Variants in NDUFA10 observed in about 807,000 individuals in gnomAD.
The protein encoded by NDUFA10 is NADH:ubiquinone oxidoreductase subunit A10.
Under a neutral mutation model 47.8 loss-of-function variants are expected in NDUFA10, and 40 were observed. That is an observed-to-expected ratio of 0.84 (90% CI 0.65 to 1.09). The LOEUF is 1.09. Ranked by LOEUF, NDUFA10 falls within the 50% of genes least tolerant of loss-of-function variation. The pLI is 0.00. For missense variants in NDUFA10, 413 were observed against 451.1 expected (o/e 0.92, Z 0.76); for synonymous variants, 183 against 172.2 (o/e 1.06, Z -0.49).
At position 240,005,235 on chromosome 2, in the gene NDUFA10, G is replaced by A. The variant is rs762669820; in HGVS notation, c.865C>T (p.Arg289Cys). 91 of 1,613,890 alleles carry A rather than the reference G, an allele frequency of 5.6e-5. No homozygotes were observed. In the East Asian group the frequency reaches 5.8e-4, roughly 10 times the overall value. The change falls in exon 8 of 10, where the codon CGC becomes TGC. Residue 289 changes from arginine to cysteine, a missense_variant. Coordinates refer to ENST00000252711, the MANE Select transcript of NDUFA10 (RefSeq NM_004544.4). ...DKGPWLKQDN[R>C]TLYHLRLLVQ... ...AGTAATCGCAGGTGGTATAAAGTGC[G>A]ATTGTCCTGCTTGAGCCACGGCCCT...
chr2:239,898,191 C>T (rs1693434888), intron 4 of NDUFA10, among the ~76,000 whole-genome samples: 1 of 152,196 alleles, frequency 6.6e-6, no homozygotes, highest in Admixed American at 6.5e-5. Context: ...ATTTCTCCTC[C>T]ACTTCCCAAT....
At chr2:239,897,840 C>T (rs1693426089) in intron 4 of NDUFA10, among the ~76,000 whole-genome samples, 1 of 152,240 alleles carries the variant, frequency 6.6e-6, no homozygotes, top group Admixed American at 6.5e-5. Context: ...GAGCCAGGTT[C>T]ACCCCTCCCT....
At chr2:239,968,415 C>T (rs917851151) in intron 9 of NDUFA10, among the ~76,000 whole-genome samples, 2 of 152,218 alleles carry the variant, frequency 1.3e-5, no homozygotes, top group East Asian at 1.9e-4. Context: ...CTTCAGTTAA[C>T]GTGAACTATG....
intron 9 of NDUFA10, among the ~76,000 whole-genome samples, chr2:239,962,036 C>T (rs911232252): frequency 1.3e-5 from 2 of 152,182 alleles, no homozygotes; most frequent in African/African-American, 4.8e-5. Context: ...TGAGGGTAGG[C>T]GGCCAGCACA....
chr2:239,979,679 G>GCCTC (rs1356036542), intron 9 of NDUFA10, among the ~76,000 whole-genome samples: 2 of 151,940 alleles, frequency 1.3e-5, no homozygotes, highest in Non-Finnish European at 2.9e-5. Flanking sequence ...GACCGCCTTG[G>GCCTC]CCCTCTGCCT....
At chr2:239,950,867 C>T (rs1350999534) in intron 4 of NDUFA10, among the ~76,000 whole-genome samples, 17 of 152,212 alleles carry the variant, frequency 1.1e-4, no homozygotes, top group African/African-American at 4.1e-4. Context: ...AGTTGTGTGA[C>T]ACTGTCCAAC....
chr2:239,935,298 G>T (rs1694244872), intron 4 of NDUFA10, among the ~76,000 whole-genome samples: 1 of 152,228 alleles, frequency 6.6e-6, no homozygotes. Flanking sequence ...CACATTTGGT[G>T]AACAGATTTT....
In NDUFA10 at chr2:239,959,895, A is replaced by C. The variant is rs1407809535; in HGVS notation, c.*1223T>G. 1.0e-6 allele frequency: 1 copy of C among 985,338 alleles called. No individual in the cohort carries two copies. The highest frequency in any genetic ancestry group is 1.7e-5 in the African/African-American group (1 of 57,218). 61.0% of individuals were successfully genotyped at this position (985,338 alleles called of 1,614,324 possible). A position where few individuals can be genotyped will look rare whatever the true frequency, so the allele number is the denominator to read the frequency against. On this transcript the variant is annotated 3_prime_UTR_variant, in exon 10 of 10. Coordinates refer to ENST00000252711, the MANE Select transcript of NDUFA10 (RefSeq NM_004544.4). ...GGACGCAAGGAGGGAAGGAGTGTGC[A>C]TCTTCTTCGCATGCTCCGCAGCAGC...
intron 8 of NDUFA10, among the ~76,000 whole-genome samples, chr2:239,993,114 T>C (rs1442454321): frequency 6.6e-6 from 1 of 152,180 alleles, no homozygotes; most frequent in Non-Finnish European, 1.5e-5. Flanking sequence ...AATGCTATAA[T>C]TGATACACTA....
downstream of NDUFA10, among the ~76,000 whole-genome samples, chr2:239,953,956 G>A (rs1410441399): frequency 6.6e-6 from 1 of 152,154 alleles, no homozygotes; most frequent in Admixed American, 6.5e-5. Flanking sequence ...GCTGGGCTAG[G>A]CTGAGTGACC....
Position 239,961,097 on chromosome 2 carries a change from C to CT in NDUFA10, c.*20dup. 6.2e-7 allele frequency: 1 copy of CT among 1,614,046 alleles called. No homozygotes were observed. Among genetic ancestry groups the CT allele is most frequent in the East Asian group, 2.2e-5 (1 of 44,886 alleles). On this transcript the variant is annotated 3_prime_UTR_variant, in exon 10 of 10. Coordinates refer to ENST00000252711, the MANE Select transcript of NDUFA10 (RefSeq NM_004544.4). The stretch of plus-strand genomic sequence containing the variant: ...CAGCTTGGCCATCACTGTGATGCAG[C>CT]TGGAGCAGAAGGCGGCCCGTTCACT...
chr2:239,899,620 A>T (rs547341436), intron 4 of NDUFA10, among the ~76,000 whole-genome samples: 2 of 152,164 alleles, frequency 1.3e-5, no homozygotes, highest in South Asian at 4.2e-4. Context: ...CAAGTCTCCA[A>T]CTCAACAAAG....
chr2:239,989,334 G>A (rs1416023388), intron 9 of NDUFA10, among the ~76,000 whole-genome samples: 2 of 152,232 alleles, frequency 1.3e-5, no homozygotes, highest in African/African-American at 4.8e-5. Flanking sequence ...GACAATTATA[G>A]TAATGCAAAA....
At chr2:240,017,230 A>C (rs972072676) in intron 4 of NDUFA10, among the ~76,000 whole-genome samples, 3 of 152,194 alleles carry the variant, frequency 2.0e-5, no homozygotes, top group African/African-American at 7.2e-5. Flanking sequence ...TCAGGACAGA[A>C]GCCAAGCATC....
Position 239,959,409 on chromosome 2 carries a change from A to G in NDUFA10, c.*1709T>C, listed in dbSNP as rs562457080. 160 of 985,486 alleles carry G rather than the reference A, an allele frequency of 1.6e-4. No individual in the cohort carries two copies. The South Asian group carries it at 6.2e-3, about 38-fold the overall frequency. 61.0% of individuals were successfully genotyped at this position (985,486 alleles called of 1,614,324 possible). On this transcript the variant is annotated 3_prime_UTR_variant, in exon 10 of 10. Transcript: ENST00000252711. ...ACATTAGGAACAGCTAAGATAATTA[A>G]AGATGGCTTTCTTTTTCTTTCCTCC...
At chr2:239,950,453 ACG>A (rs1694532585) in intron 4 of NDUFA10, among the ~76,000 whole-genome samples, 1 of 152,214 alleles carries the variant, frequency 6.6e-6, no homozygotes, top group East Asian at 1.9e-4. Context: ...AATCTGAGGA[ACG>A]GTTCCTCCTT....
intron 9 of NDUFA10, chr2:239,969,875 A>C (rs1574828406): frequency 2.3e-6 from 1 of 428,126 alleles, no homozygotes; most frequent in Non-Finnish European, 4.8e-6. Context: ...AAAAAGGCCA[A>C]AAACAAATGG....
At chr2:239,973,238 T>G (rs1050719758) in intron 9 of NDUFA10, among the ~76,000 whole-genome samples, 5 of 152,150 alleles carry the variant, frequency 3.3e-5, no homozygotes, top group African/African-American at 7.2e-5. Flanking sequence ...AAATTTGTAT[T>G]TTAACACAAC....
chr2:239,978,272 T>C (rs1695610217), intron 9 of NDUFA10, among the ~76,000 whole-genome samples: 2 of 152,192 alleles, frequency 1.3e-5, no homozygotes, highest in South Asian at 2.1e-4. Context: ...CTATAGAAGA[T>C]GGAATCTCTA....
Sources: gnomAD v4.1 joint callset for allele counts (sites outside exome capture counted in the v4.1 genomes callset) on GRCh38, gnomAD v4.1.1 for gene constraint, MANE v1.5 for transcripts, NCBI Gene and HGNC (gene_info 2026-07-23, HGNC 2026-07-21) for gene names.